CASK: variants seen among roughly 807,000 people sequenced by gnomAD.
CASK encodes the protein peripheral plasma membrane protein CASK.
A neutral mutation model predicts 82.9 loss-of-function variants in CASK; 4 were observed. That is an observed-to-expected ratio of 0.05 (90% CI 0.02 to 0.11). The LOEUF is 0.11. Among genes scored for constraint, CASK ranks in the 10% least tolerant of loss-of-function variants. The pLI is 1.00. For synonymous variants in CASK, 259 were observed against 253.5 expected, an observed-to-expected ratio of 1.02 and a Z score of -0.20; for missense variants, 358 against 720.9, an observed-to-expected ratio of 0.50 and a Z score of 5.76.
At chrX:41,816,112 A>G (rs942597897) in intron 2 of CASK, among the ~76,000 whole-genome samples, 1 of 111,621 alleles carries the variant, frequency 9.0e-6, no homozygotes, top group Non-Finnish European at 1.9e-5. Flanking sequence ...TCGTCCTCCC[A>G]AACTGCTGGG....
At chrX:41,762,009 G>C (rs780615268) in intron 3 of CASK, among the ~76,000 whole-genome samples, 1 of 112,146 alleles carries the variant, frequency 8.9e-6, no homozygotes, top group Admixed American at 9.5e-5. Context: ...TACATGCCAA[G>C]TGCCATTTAA....
intron 1 of CASK, among the ~76,000 whole-genome samples, chrX:41,881,589 A>G (rs1467053684): frequency 2.7e-5 from 3 of 111,596 alleles, no homozygotes; most frequent in Non-Finnish European, 3.8e-5. Flanking sequence ...TAAATTTCGT[A>G]GAGTGAATGT....
chrX:41,839,403 G>A (rs2070990043), intron 2 of CASK, among the ~76,000 whole-genome samples: 2 of 111,719 alleles, frequency 1.8e-5, no homozygotes, highest in South Asian at 7.4e-4. Flanking sequence ...TTTATTTTAA[G>A]CAACTGCAAA....
chrX:41,586,351 T>C (rs1443878897), intron 14 of CASK: 1 of 112,190 alleles, frequency 8.9e-6, no homozygotes, highest in African/African-American at 3.2e-5. Flanking sequence ...TGTTTTTGTA[T>C]TGCAGTTAGG....
At chrX:41,765,915 C>T in intron 3 of CASK, among the ~76,000 whole-genome samples, 1 of 111,035 alleles carries the variant, frequency 9.0e-6, no homozygotes, top group East Asian at 2.8e-4. Flanking sequence ...AAATTAAAAA[C>T]AAACTGATGC....
intron 12 of CASK, among the ~76,000 whole-genome samples, chrX:41,591,762 A>G (rs2065749092): frequency 1.8e-5 from 2 of 110,011 alleles, no homozygotes; most frequent in Non-Finnish European, 3.8e-5. Context: ...GGCGTGAGCC[A>G]CCGTGCCCAG....
At chrX:41,820,509 TA>T (rs1255548670) in intron 2 of CASK, among the ~76,000 whole-genome samples, 1 of 110,933 alleles carries the variant, frequency 9.0e-6, no homozygotes, top group Non-Finnish European at 1.9e-5. Flanking sequence ...TGGGAGAATG[TA>T]AAAAAATCTA....
At chrX:41,900,746 T>A (rs2072361194) in intron 1 of CASK, among the ~76,000 whole-genome samples, 1 of 87,317 alleles carries the variant, frequency 1.1e-5, no homozygotes, top group Non-Finnish European at 2.3e-5. Context: ...AATCTTTTTT[T>A]TTTTTTTTTT....
chrX:41,725,755 A>T (rs2068248738), intron 5 of CASK, among the ~76,000 whole-genome samples: 1 of 112,600 alleles, frequency 8.9e-6, no homozygotes, highest in Admixed American at 9.4e-5. Flanking sequence ...TTATGTTGTG[A>T]TTAAAACATC....
intron 2 of CASK, among the ~76,000 whole-genome samples, chrX:41,831,816 C>A (rs1268984494): frequency 9.0e-6 from 1 of 110,666 alleles, no homozygotes; most frequent in Admixed American, 9.6e-5. Context: ...AAAAAATTAG[C>A]TGGGCATTGT....
chrX:41,652,303 T>C (rs1209302263), intron 8 of CASK, among the ~76,000 whole-genome samples: 1 of 111,422 alleles, frequency 9.0e-6, no homozygotes, highest in Non-Finnish European at 1.9e-5. Flanking sequence ...GGGAGAGGCC[T>C]GGATTCAGGA....
intron 8 of CASK, among the ~76,000 whole-genome samples, chrX:41,648,514 A>C (rs2066803276): frequency 9.0e-6 from 1 of 110,599 alleles, no homozygotes; most frequent in Admixed American, 9.7e-5. Flanking sequence ...CCCTAATAAA[A>C]ACTTGCTAGT....
intron 21 of CASK, among the ~76,000 whole-genome samples, chrX:41,549,687 A>C (rs1359133353): frequency 1.8e-5 from 2 of 108,412 alleles, no homozygotes; most frequent in African/African-American, 3.4e-5. Flanking sequence ...CGAAAATTTA[A>C]AAATTAGTTG....
Position 41,904,356 on chromosome X carries a change from C to CA in CASK, c.59+18573dup, listed in dbSNP as rs1209366784. 4.5e-5 allele frequency among the ~76,000 whole-genome samples: 5 copies of CA among 111,339 alleles called. No individual in the cohort carries two copies. The East Asian group carries it at 1.4e-3, about 31-fold the overall frequency. ...AGTTGCAGGACATAAGAGTAACATA[C>CA]AAAAAATCAATTACATTTCTATATA... On this transcript the variant is annotated intron_variant, in intron 1 of 26. Transcript: ENST00000378163.
intron 8 of CASK, among the ~76,000 whole-genome samples, chrX:41,657,529 T>G (rs760904209): frequency 9.0e-6 from 1 of 111,509 alleles, no homozygotes; most frequent in Non-Finnish European, 1.9e-5. Flanking sequence ...TTCTTTTTTT[T>G]TTGTTTGTTT....
intron 3 of CASK, among the ~76,000 whole-genome samples, chrX:41,770,253 CTATCATCT>C (rs1324701483): frequency 5.3e-4 from 55 of 104,707 alleles, no homozygotes; most frequent in Middle Eastern, 4.8e-3. Context: ...ATCTATCTAT[CTATCATCT>C]ATCTATCTAT....
chrX:41,576,889 A>G (rs2065493308), intron 15 of CASK, among the ~76,000 whole-genome samples: 1 of 111,590 alleles, frequency 9.0e-6, no homozygotes, highest in African/African-American at 3.3e-5. Context: ...GTGCTGCAAG[A>G]TAATATTGTA....
chrX:41,814,933 T>C, intron 2 of CASK, among the ~76,000 whole-genome samples: 1 of 111,061 alleles, frequency 9.0e-6, no homozygotes, highest in Middle Eastern at 4.6e-3. Context: ...GGGAAATGAA[T>C]GGAATGAGTA....
chrX:41,802,033 G>A lies in CASK; in HGVS notation c.173-14750C>T, dbSNP rs889923437. ...TACAGATAACGGATATCCATAAGGC[G>A]CTCAAAAAATGGCCTAGTCTTTGTC... is the stretch of plus-strand genomic sequence containing the variant. On this transcript the variant is annotated intron_variant, in intron 2 of 26. Coordinates refer to ENST00000378163, the MANE Select transcript of CASK (RefSeq NM_001367721.1). Among the ~76,000 whole-genome samples, 5 of 110,787 alleles carry A rather than the reference G, an allele frequency of 4.5e-5. No homozygotes were observed. In the East Asian group the frequency reaches 8.5e-4, roughly 19 times the overall value.
Sources: allele counts gnomAD v4.1 joint callset (sites outside exome capture counted in the v4.1 genomes callset), GRCh38; gene constraint gnomAD v4.1.1; transcripts MANE v1.5; gene names NCBI Gene and HGNC (gene_info 2026-07-23, HGNC 2026-07-21).